The following KCTD16 variants were observed in gnomAD, a reference collection of about 807,000 sequenced individuals.
KCTD16 encodes BTB/POZ domain-containing protein KCTD16.
KCTD16 carries 13 observed loss-of-function variants against 33.2 expected under a neutral mutation model. The ratio of observed to expected loss-of-function variants is 0.39; its 90% confidence interval spans 0.25 to 0.62. The LOEUF is 0.62. Among genes scored for constraint, KCTD16 ranks in the 20% least tolerant of loss-of-function variants. The pLI, the probability that KCTD16 is intolerant of heterozygous loss-of-function variation, is 0.50. For missense variants in KCTD16, 441 were observed against 525.1 expected (o/e 0.84, Z 1.57); for synonymous variants, 197 against 195.3 (o/e 1.01, Z -0.07).
chr5:144,298,181 C>T (rs546659996), intron 3 of KCTD16, among the ~76,000 whole-genome samples: 2 of 152,304 alleles, frequency 1.3e-5, no homozygotes, highest in East Asian at 3.9e-4. Flanking sequence ...CCATAACATT[C>T]ACCACACGGC....
rs892262134 is a variant in KCTD16, at chr5:144,475,800, T to C, written c.*1686T>C. On this transcript the variant is annotated 3_prime_UTR_variant, in exon 4 of 4. Transcript: ENST00000512467. ...CACATTTATTATGTAAGATGTTCTGTCTTGATTTCTGTTCTTAGTGATGAT... is the reference window on the plus strand; with the variant it reads ...CACATTTATTATGTAAGATGTTCTGCCTTGATTTCTGTTCTTAGTGATGAT... 1.3e-5 allele frequency: 2 copies of C among 152,644 alleles called. No individual in the cohort carries two copies. The highest frequency in any genetic ancestry group is 4.8e-5 in the African/African-American group (2 of 41,470). 9.5% of individuals were successfully genotyped at this position (152,644 alleles called of 1,614,324 possible). A position where few individuals can be genotyped will look rare whatever the true frequency, so the allele number is the denominator to read the frequency against.
intron 2 of KCTD16, among the ~76,000 whole-genome samples, chr5:144,180,983 A>T (rs1052125494): frequency 6.7e-6 from 1 of 149,956 alleles, no homozygotes; most frequent in African/African-American, 2.5e-5. Flanking sequence ...CCCAGGCTGG[A>T]GTGCAGTGGC....
At chr5:144,315,659 A>G (rs1035163825) in intron 3 of KCTD16, among the ~76,000 whole-genome samples, 3 of 152,162 alleles carry the variant, frequency 2.0e-5, no homozygotes, top group African/African-American at 7.2e-5. Flanking sequence ...TTCCCAGTTT[A>G]GTACATGAGA....
At chr5:144,459,636 C>T (rs1042481420) in intron 3 of KCTD16, among the ~76,000 whole-genome samples, 2 of 151,932 alleles carry the variant, frequency 1.3e-5, no homozygotes, top group Non-Finnish European at 2.9e-5. Flanking sequence ...AGTTGTGAGC[C>T]ACTGTGCTTG....
intron 3 of KCTD16, among the ~76,000 whole-genome samples, chr5:144,417,851 T>G (rs1753105077): frequency 1.3e-5 from 2 of 152,166 alleles, no homozygotes; most frequent in African/African-American, 4.8e-5. Flanking sequence ...GTTGAAGATG[T>G]GTCTGGAATT....
At chr5:144,191,502 C>G (rs1043940979) in intron 2 of KCTD16, among the ~76,000 whole-genome samples, 1 of 152,144 alleles carries the variant, frequency 6.6e-6, no homozygotes, top group Non-Finnish European at 1.5e-5. Flanking sequence ...TACATAGAAC[C>G]TTTAGCTTCT....
intron 3 of KCTD16, among the ~76,000 whole-genome samples, chr5:144,441,675 T>C (rs1753711529): frequency 6.6e-6 from 1 of 152,106 alleles, no homozygotes; most frequent in African/African-American, 2.4e-5. Context: ...ATTGTATTTA[T>C]TTATATGTCT....
At chr5:144,465,538 G>A (rs1025988241) in intron 3 of KCTD16, among the ~76,000 whole-genome samples, 21 of 151,940 alleles carry the variant, frequency 1.4e-4, no homozygotes, top group East Asian at 5.8e-4. Context: ...GGTCTCACAC[G>A]ATTCTCTTTT....
intron 2 of KCTD16, among the ~76,000 whole-genome samples, chr5:144,201,756 A>C (rs535517343): frequency 6.6e-6 from 1 of 152,312 alleles, no homozygotes; most frequent in East Asian, 1.9e-4. Context: ...ATCCCTCCAT[A>C]AACAGCAGCT....
intron 3 of KCTD16, among the ~76,000 whole-genome samples, chr5:144,312,160 C>G (rs1266178954): frequency 6.6e-6 from 1 of 152,122 alleles, no homozygotes; most frequent in Admixed American, 6.6e-5. Context: ...TATCCCAAAT[C>G]AAAGAAATAG....
chr5:144,443,233 T>C (rs1753751853), intron 3 of KCTD16, among the ~76,000 whole-genome samples: 1 of 152,100 alleles, frequency 6.6e-6, no homozygotes, highest in African/African-American at 2.4e-5. Context: ...ACTTGGAGCT[T>C]ATGAGGTGAA....
At chr5:144,263,686 C>T (rs1755069834) in intron 3 of KCTD16, among the ~76,000 whole-genome samples, 1 of 152,198 alleles carries the variant, frequency 6.6e-6, no homozygotes, top group South Asian at 2.1e-4. Context: ...CAAATGACTG[C>T]AGTTTGGGAA....
chr5:144,432,637 A>ATGTGTG (rs71576198), intron 3 of KCTD16, among the ~76,000 whole-genome samples: 97 of 150,960 alleles, frequency 6.4e-4, no homozygotes, highest in African/African-American at 2.2e-3. Flanking sequence ...ATAACACTAA[A>ATGTGTG]TGTGTGTGTG....
chr5:144,357,093 G>A (rs1751587135), intron 3 of KCTD16, among the ~76,000 whole-genome samples: 1 of 151,476 alleles, frequency 6.6e-6, no homozygotes, highest in Non-Finnish European at 1.5e-5. Flanking sequence ...TGGATTAGGA[G>A]ATGAGTTACT....
chr5:144,247,728 C>T (rs187609182), intron 3 of KCTD16, among the ~76,000 whole-genome samples: 1 of 152,190 alleles, frequency 6.6e-6, no homozygotes, highest in African/African-American at 2.4e-5. Flanking sequence ...AAAAGTAAAC[C>T]AACCAATACT....
intron 3 of KCTD16, among the ~76,000 whole-genome samples, chr5:144,278,301 C>T (rs1373721254): frequency 6.6e-6 from 1 of 151,672 alleles, no homozygotes; most frequent in Non-Finnish European, 1.5e-5. Context: ...TTGGACTCAT[C>T]AAAAAAATTT....
chr5:144,433,734 A>T lies in KCTD16; in HGVS notation c.833-39926A>T, dbSNP rs1753517347. 2.0e-5 allele frequency among the ~76,000 whole-genome samples: 3 copies of T among 152,134 alleles called. No individual in the cohort carries two copies. The South Asian group carries it at 6.2e-4, about 32-fold the overall frequency. On this transcript the variant is annotated intron_variant, in intron 3 of 3. Transcript: ENST00000512467. ...ATTATATCCCCTTGTTCCTTCTTACATGCCTGGTAGAGTTAATGTGTCTAC... is the reference window on the plus strand; with the variant it reads ...ATTATATCCCCTTGTTCCTTCTTACTTGCCTGGTAGAGTTAATGTGTCTAC...
At chr5:144,255,170 G>T (rs915729290) in intron 3 of KCTD16, among the ~76,000 whole-genome samples, 10 of 152,138 alleles carry the variant, frequency 6.6e-5, no homozygotes, top group Admixed American at 5.9e-4. Context: ...AGGCTGAATA[G>T]CATTTCATTA....
chr5:144,322,175 C>T (rs1170203766), intron 3 of KCTD16, among the ~76,000 whole-genome samples: 2 of 151,948 alleles, frequency 1.3e-5, no homozygotes, highest in African/African-American at 4.8e-5. Flanking sequence ...CTCACCTGCT[C>T]CTTATTTAGA....
Sources: allele counts gnomAD v4.1 joint callset (sites outside exome capture counted in the v4.1 genomes callset), GRCh38; gene constraint gnomAD v4.1.1; transcripts MANE v1.5; gene names NCBI Gene and HGNC (gene_info 2026-07-23, HGNC 2026-07-21).